The following GRM8 variants were observed in gnomAD, a reference collection of about 807,000 sequenced individuals.
GRM8 encodes the protein metabotropic glutamate receptor 8.
GRM8 carries 47 observed loss-of-function variants against 87.2 expected under a neutral mutation model. That is an observed-to-expected ratio of 0.54 (90% CI 0.43 to 0.69). The LOEUF is 0.69. Ranked by LOEUF, GRM8 falls within the 30% of genes least tolerant of loss-of-function variation. GRM8 has a pLI of 0.00. For synonymous variants in GRM8, 396 were observed against 404.5 expected (o/e 0.98, Z 0.25); for missense variants, 1,019 against 1,139.2 (o/e 0.89, Z 1.52).
At chr7:126,565,153 C>T (rs1023552633) in intron 8 of GRM8, among the ~76,000 whole-genome samples, 5 of 152,132 alleles carry the variant, frequency 3.3e-5, no homozygotes, top group Non-Finnish European at 7.4e-5. Flanking sequence ...GATGCCTACT[C>T]TTAGCACTTC....
At chr7:126,950,715 T>C (rs1053622310) in intron 3 of GRM8, among the ~76,000 whole-genome samples, 1 of 152,118 alleles carries the variant, frequency 6.6e-6, no homozygotes, top group Non-Finnish European at 1.5e-5. Flanking sequence ...TGTAACCCTA[T>C]GAGGTAGGTA....
intron 6 of GRM8, among the ~76,000 whole-genome samples, chr7:126,773,152 A>G (rs186846294): frequency 2.8e-4 from 43 of 152,238 alleles, no homozygotes; most frequent in African/African-American, 9.9e-4. Context: ...GGTTGTTTGT[A>G]TTGCTGCTCT....
intron 9 of GRM8, among the ~76,000 whole-genome samples, chr7:126,514,405 G>A (rs1008763276): frequency 6.6e-6 from 1 of 152,124 alleles, no homozygotes; most frequent in Non-Finnish European, 1.5e-5. Context: ...AACCAAACTT[G>A]CATTTAAATC....
chr7:127,148,873 C>T (rs1392723128), intron 2 of GRM8, among the ~76,000 whole-genome samples: 4 of 152,014 alleles, frequency 2.6e-5, no homozygotes, highest in Non-Finnish European at 5.9e-5. Flanking sequence ...GCAGGGAAAA[C>T]TGGATTTCCA....
At chr7:126,681,403 T>C (rs973990927) in intron 7 of GRM8, among the ~76,000 whole-genome samples, 1 of 152,234 alleles carries the variant, frequency 6.6e-6, no homozygotes, top group African/African-American at 2.4e-5. Context: ...TTGGTGTGCG[T>C]GAGAGCTAAA....
intron 7 of GRM8, among the ~76,000 whole-genome samples, chr7:126,629,682 A>T (rs771180894): frequency 2.0e-5 from 3 of 152,160 alleles, no homozygotes; most frequent in Non-Finnish European, 4.4e-5. Context: ...GATAGCAGAT[A>T]ATTTATTTAT....
At chr7:127,217,178 T>G (rs147410265) in intron 2 of GRM8, among the ~76,000 whole-genome samples, 7 of 152,278 alleles carry the variant, frequency 4.6e-5, no homozygotes, top group Admixed American at 4.6e-4. Context: ...GTGGCTCTAC[T>G]TGTACTACCT....
At chr7:126,787,010 C>T (rs1820692376) in intron 6 of GRM8, among the ~76,000 whole-genome samples, 1 of 152,172 alleles carries the variant, frequency 6.6e-6, no homozygotes, top group Non-Finnish European at 1.5e-5. Context: ...ACACATCTAA[C>T]CTAGTAATGA....
At chr7:126,684,361 T>A (rs1807940228) in intron 7 of GRM8, among the ~76,000 whole-genome samples, 2 of 152,168 alleles carry the variant, frequency 1.3e-5, no homozygotes, top group Non-Finnish European at 1.5e-5. Flanking sequence ...GTAACTTGTG[T>A]CTTTGTAACA....
intron 3 of GRM8, among the ~76,000 whole-genome samples, chr7:127,057,462 A>T (rs1820112209): frequency 6.6e-6 from 1 of 152,192 alleles, no homozygotes; most frequent in Non-Finnish European, 1.5e-5. Flanking sequence ...TATCCCTATA[A>T]AAACAAGAAA....
chr7:127,106,645 G>C lies in GRM8; in HGVS notation c.578C>G (p.Ser193Cys), dbSNP rs1402582927. 1 of 1,614,012 alleles carries C rather than the reference G, an allele frequency of 6.2e-7. No individual in the cohort carries two copies. The highest frequency in any genetic ancestry group is 1.1e-5 in the South Asian group (1 of 91,070). Residue 193 changes from serine to cysteine, a missense_variant, in exon 3 of 11, where the codon TCT becomes TGT. Physicochemically the swap from Ser to Cys is moderately radical, Grantham distance 112. Transcript: ENST00000339582. Reference sequence around the variant, plus strand: ...GTAGGAGTCAGGCGGAACCACTCGAGAGAAAAAGTCATACCTGGTGTTATC... The same window carrying C: ...GTAGGAGTCAGGCGGAACCACTCGACAGAAAAAGTCATACCTGGTGTTATC... ...LSDNTRYDFF[S>C]RVVPPDSYQA...
At chr7:126,669,932 T>C (rs1806208116) in intron 7 of GRM8, among the ~76,000 whole-genome samples, 2 of 152,204 alleles carry the variant, frequency 1.3e-5, no homozygotes, top group South Asian at 4.1e-4. Context: ...GGGAAATTAA[T>C]CTTGCAGAAG....
intron 3 of GRM8, among the ~76,000 whole-genome samples, chr7:126,940,715 T>TAA (rs1419238364): frequency 6.6e-6 from 1 of 152,212 alleles, no homozygotes; most frequent in Non-Finnish European, 1.5e-5. Context: ...GGTTATGCTA[T>TAA]AATATCCCTT....
At chr7:126,872,346 A>G (rs1274577028) in intron 6 of GRM8, among the ~76,000 whole-genome samples, 1 of 152,128 alleles carries the variant, frequency 6.6e-6, no homozygotes, top group Non-Finnish European at 1.5e-5. Context: ...ACCATAGGGA[A>G]AAAGCCATTC....
intron 7 of GRM8, among the ~76,000 whole-genome samples, chr7:126,686,027 G>A (rs1808146745): frequency 6.6e-6 from 1 of 151,772 alleles, no homozygotes; most frequent in Non-Finnish European, 1.5e-5. Context: ...AGGACAGACA[G>A]ATGATGGGGA....
At chr7:126,736,236 C>T (rs891582273) in intron 7 of GRM8, among the ~76,000 whole-genome samples, 3 of 152,068 alleles carry the variant, frequency 2.0e-5, no homozygotes, top group Non-Finnish European at 4.4e-5. Flanking sequence ...TACACATGTA[C>T]GGTCTCTTCT....
At chr7:126,480,058 G>T (rs1300379484) in intron 9 of GRM8, among the ~76,000 whole-genome samples, 2 of 152,092 alleles carry the variant, frequency 1.3e-5, no homozygotes, top group Admixed American at 1.3e-4. Context: ...TGAAGTGGGT[G>T]AAGAAGAAAG....
intron 9 of GRM8, among the ~76,000 whole-genome samples, chr7:126,527,378 G>T (rs1434399486): frequency 6.6e-6 from 1 of 152,088 alleles, no homozygotes; most frequent in Non-Finnish European, 1.5e-5. Context: ...GAAAAGAAAA[G>T]AAAATGGTAT....
chr7:126,727,546 A>G (rs1229810253), intron 7 of GRM8, among the ~76,000 whole-genome samples: 1 of 152,098 alleles, frequency 6.6e-6, no homozygotes, highest in Non-Finnish European at 1.5e-5. Flanking sequence ...AACTATAAAC[A>G]CTAAGGAAAA....
Sources: gnomAD v4.1 joint callset for allele counts (sites outside exome capture counted in the v4.1 genomes callset) on GRCh38, gnomAD v4.1.1 for gene constraint, MANE v1.5 for transcripts, NCBI Gene and HGNC (gene_info 2026-07-23, HGNC 2026-07-21) for gene names.